The following CCDC13 variants were observed in gnomAD, a reference collection of about 807,000 sequenced individuals.
The protein encoded by CCDC13 is coiled-coil domain-containing protein 13.
CCDC13 carries 70 observed loss-of-function variants against 87.3 expected under a neutral mutation model. That is an observed-to-expected ratio of 0.80 (90% CI 0.66 to 0.98). CCDC13 has a LOEUF of 0.98. Among genes scored for constraint, CCDC13 ranks in the 50% least tolerant of loss-of-function variants. The pLI, the probability that CCDC13 is intolerant of heterozygous loss-of-function variation, is 0.00. For missense variants in CCDC13, 842 were observed against 892.0 expected (o/e 0.94, Z 0.71); for synonymous variants, 317 against 360.3 (o/e 0.88, Z 1.36).
rs1698893762 is a variant in CCDC13 at position 42,733,397 on chromosome 3, G to A, written c.1511+73C>T. On this transcript the variant is annotated intron_variant, in intron 11 of 15. Coordinates refer to ENST00000310232, the MANE Select transcript of CCDC13 (RefSeq NM_144719.4). Reference sequence around the variant, plus strand: ...TTGCACCTGTGGCTTCCCATCAGAGGTAGCAAGAAACAACCTTTCTTCCGA... The same window carrying A: ...TTGCACCTGTGGCTTCCCATCAGAGATAGCAAGAAACAACCTTTCTTCCGA... 1.9e-6 allele frequency: 3 copies of A among 1,579,714 alleles called. No individual in the cohort carries two copies. The African/African-American group carries it at 4.0e-5, about 21-fold the overall frequency.
chr3:42,745,704 T>G, intron 7 of CCDC13: 1 of 392,282 alleles, frequency 2.5e-6, no homozygotes, highest in Non-Finnish European at 4.6e-6. Flanking sequence ...GTGCCTGGCA[T>G]GTGCTAAGTG....
chr3:42,736,692 C>T lies in CCDC13; in HGVS notation c.1165-779G>A, dbSNP rs866808493. On this transcript the variant is annotated intron_variant, in intron 9 of 15. Transcript: ENST00000310232. Reference sequence around the variant, plus strand: ...GATTTCTGGTCTTCTGTGCCCCGCTCACCACCCTATCATGTAAAGTGATCA... The same window carrying T: ...GATTTCTGGTCTTCTGTGCCCCGCTTACCACCCTATCATGTAAAGTGATCA... Among the ~76,000 whole-genome samples the T allele has an allele frequency of 2.6e-5, 4 of 152,124 alleles. No homozygotes were observed. The South Asian group carries it at 8.3e-4, about 32-fold the overall frequency.
At chr3:42,761,030 C>A (rs1699821513) in intron 1 of CCDC13, among the ~76,000 whole-genome samples, 1 of 152,126 alleles carries the variant, frequency 6.6e-6, no homozygotes, top group Non-Finnish European at 1.5e-5. Flanking sequence ...ATTCTTGATA[C>A]TTTGTCTGTT....
chr3:42,773,023 AAG>A (rs1700172295), intron 1 of CCDC13, among the ~76,000 whole-genome samples, 151 bp downstream of exon 1: 1 of 152,130 alleles, frequency 6.6e-6, no homozygotes, highest in Non-Finnish European at 1.5e-5. Flanking sequence ...GACGAAGGGG[AAG>A]AGTCCTCGCT....
chr3:42,707,125 G>T lies in CCDC13; in HGVS notation c.*1855C>A, dbSNP rs1306031414. The stretch of plus-strand genomic sequence containing the variant: ...TGCCTGCTTCTCACTCCCTGGGACT[G>T]CACTGAGGCCAGAGCCTGTACCCCT... On this transcript the variant is annotated 3_prime_UTR_variant, in exon 16 of 16. Coordinates refer to ENST00000310232, the MANE Select transcript of CCDC13 (RefSeq NM_144719.4). 1.3e-5 allele frequency among the ~76,000 whole-genome samples: 2 copies of T among 152,162 alleles called. No individual in the cohort carries two copies. Among genetic ancestry groups the T allele is most frequent in the African/African-American group, 4.8e-5 (2 of 41,446 alleles).
chr3:42,756,289 C>T (rs1485272322), intron 3 of CCDC13, among the ~76,000 whole-genome samples: 1 of 152,172 alleles, frequency 6.6e-6, no homozygotes, highest in Non-Finnish European at 1.5e-5. Flanking sequence ...AGTCCAAAGT[C>T]CTCACTACAT....
At chr3:42,745,890 T>C (rs774741251) in intron 7 of CCDC13, 33 bp downstream of exon 7, 9 of 1,554,624 alleles carry the variant, frequency 5.8e-6, no homozygotes, top group Non-Finnish European at 8.0e-6. Context: ...AAATCCTTTG[T>C]TCAGGCCAGG....
At chr3:42,730,865 T>C (rs1318431950) in intron 12 of CCDC13, among the ~76,000 whole-genome samples, 1 of 152,100 alleles carries the variant, frequency 6.6e-6, no homozygotes, top group Non-Finnish European at 1.5e-5. Context: ...CTGGAATTAG[T>C]CTGGTGCTGT....
rs746254643 is a variant in CCDC13 at position 42,758,177 on chromosome 3, G to T, written c.169C>A (p.Leu57Ile). ...GGCTCCCCTGCGTGGAGAAGGCTGAGGCCATCTGAAACCTCCAAGGGCTCC... is the reference window on the plus strand; with the variant it reads ...GGCTCCCCTGCGTGGAGAAGGCTGATGCCATCTGAAACCTCCAAGGGCTCC... ...QEEPLEVSDG[L>I]SLLHAGEPNS... The change falls in exon 2 of 16, where the codon CTC becomes ATC. Residue 57 changes from leucine (L) to isoleucine (I), a missense_variant. By Grantham distance (5) the Leu-to-Ile change is conservative. Transcript: ENST00000310232. 1.9e-6 allele frequency: 3 copies of T among 1,614,070 alleles called. No individual in the cohort carries two copies. The highest frequency in any genetic ancestry group is 3.3e-5 in the Admixed American group (2 of 60,012).
chr3:42,750,120 G>A (rs1270255947), intron 5 of CCDC13, among the ~76,000 whole-genome samples: 2 of 152,186 alleles, frequency 1.3e-5, no homozygotes, highest in Non-Finnish European at 2.9e-5. Flanking sequence ...CAAAACTCCT[G>A]CTCCAGCTGC....
chr3:42,731,672 C>G (rs950752979), intron 12 of CCDC13, among the ~76,000 whole-genome samples: 3 of 152,102 alleles, frequency 2.0e-5, no homozygotes, highest in African/African-American at 7.2e-5. Context: ...GGAGCAGGAG[C>G]AAAGGGCCGA....
intron 1 of CCDC13, among the ~76,000 whole-genome samples, chr3:42,770,389 T>C (rs1477408316): frequency 3.3e-5 from 5 of 152,240 alleles, no homozygotes; most frequent in Non-Finnish European, 5.9e-5. Flanking sequence ...AATGCACCAA[T>C]TGACATTCTG....
chr3:42,732,144 C>A (rs1339430099), intron 12 of CCDC13, among the ~76,000 whole-genome samples: 1 of 152,232 alleles, frequency 6.6e-6, no homozygotes, highest in African/African-American at 2.4e-5. Flanking sequence ...CCCACTCTCC[C>A]CAAGTGCCTT....
rs189287555 is a variant in CCDC13, at chr3:42,754,934, G to A, written c.370+2132C>T. 3.9e-5 allele frequency among the ~76,000 whole-genome samples: 6 copies of A among 152,294 alleles called. No homozygotes were observed. The East Asian group carries it at 9.6e-4, about 24-fold the overall frequency. ...GGGCGGCAGTGGATGGGCAAACACA[G>A]AAATGCTAACTATCTGGCTAAATAG... On this transcript the variant is annotated intron_variant, in intron 3 of 15. Transcript: ENST00000310232.
At chr3:42,717,174 C>T (rs992343216) in intron 13 of CCDC13, among the ~76,000 whole-genome samples, 6 of 152,026 alleles carry the variant, frequency 3.9e-5, no homozygotes, top group Non-Finnish European at 8.8e-5. Flanking sequence ...GCATGTAATC[C>T]CGACACTTTG....
chr3:42,742,980 A>G lies in CCDC13; in HGVS notation c.903T>C (p.Tyr301=). ...GTGCCGACAGCTTCCTTGGGTCTGG[A>G]TAGACAGACAACTCATCACTGGCTG... The part of the protein sequence containing the change: ...AGTASDELSV[Y]PDPRKLSAQE... Residue 301 remains tyrosine, a synonymous_variant, in exon 8 of 16, where the codon TAT becomes TAC. Transcript: ENST00000310232. The G allele has an allele frequency of 6.2e-7, 1 of 1,614,120 alleles. No individual in the cohort carries two copies. The highest frequency in any genetic ancestry group is 8.5e-7 in the Non-Finnish European group (1 of 1,180,014).
chr3:42,728,977 T>TG (rs1342758558), intron 13 of CCDC13, among the ~76,000 whole-genome samples: 11 of 152,080 alleles, frequency 7.2e-5, no homozygotes, highest in Admixed American at 6.5e-4. Flanking sequence ...AGATCTCACA[T>TG]GGAGACAGAA....
intron 14 of CCDC13, among the ~76,000 whole-genome samples, chr3:42,711,693 C>A (rs1242562274): frequency 6.6e-6 from 1 of 152,226 alleles, no homozygotes; most frequent in Non-Finnish European, 1.5e-5. Flanking sequence ...TGGAGTGAGA[C>A]TGCCATGGGG....
intron 10 of CCDC13, among the ~76,000 whole-genome samples, chr3:42,734,091 C>G (rs906265520): frequency 6.6e-5 from 10 of 152,170 alleles, no homozygotes; most frequent in Admixed American, 3.9e-4. Context: ...CTAAGCCTGC[C>G]AGGCCCCCAC....
Sources: gnomAD v4.1 joint callset for allele counts (sites outside exome capture counted in the v4.1 genomes callset) on GRCh38, gnomAD v4.1.1 for gene constraint, MANE v1.5 for transcripts, NCBI Gene and HGNC (gene_info 2026-07-23, HGNC 2026-07-21) for gene names.